Variants in RGS7BP observed in about 807,000 individuals in gnomAD.
The protein encoded by RGS7BP is regulator of G protein signaling 7-binding protein.
RGS7BP carries 9 observed loss-of-function variants against 31.3 expected under a neutral mutation model. The observed-to-expected ratio is 0.29, with a 90% CI of 0.17 to 0.50. The LOEUF (loss-of-function observed/expected upper bound fraction) is 0.50. Among genes scored for constraint, RGS7BP ranks in the 20% least tolerant of loss-of-function variants. The probability of loss-of-function intolerance (pLI) is 0.98; values close to 1 mark genes in which losing one functional copy is unlikely to be tolerated. For synonymous variants in RGS7BP, 115 were observed against 120.1 expected (o/e 0.96, Z 0.28); for missense variants, 274 against 322.0 (o/e 0.85, Z 1.14).
At chr5:64,530,356 T>C (rs67902551) in intron 2 of RGS7BP, among the ~76,000 whole-genome samples, 39,192 of 152,210 alleles carry the variant, frequency 0.26, 5,853 homozygotes, top group East Asian at 0.74. Context: ...TGAGATTATA[T>C]AGAAGAGATA....
chr5:64,550,492 C>G (rs1464806817), intron 2 of RGS7BP, among the ~76,000 whole-genome samples: 1 of 150,286 alleles, frequency 6.7e-6, no homozygotes, highest in Non-Finnish European at 1.5e-5. Context: ...ATCACATTGA[C>G]AGTTACAGCT....
At chr5:64,606,636 G>A (rs915698360) in intron 5 of RGS7BP, among the ~76,000 whole-genome samples, 1 of 151,948 alleles carries the variant, frequency 6.6e-6, no homozygotes, top group African/African-American at 2.4e-5. Context: ...TATCCAACTA[G>A]GTTAAGTACA....
At chr5:64,586,004 A>T (rs886642443) in intron 3 of RGS7BP, among the ~76,000 whole-genome samples, 1 of 151,280 alleles carries the variant, frequency 6.6e-6, no homozygotes, top group Non-Finnish European at 1.5e-5. Context: ...TTCATTTCAT[A>T]ATAAGAAATG....
Position 64,599,709 on chromosome 5 carries a change from T to C in RGS7BP, c.682+1274T>C, listed in dbSNP as rs574774295. On this transcript the variant is annotated intron_variant, in intron 5 of 5. Transcript: ENST00000334025. ...ACTGCTCTGACCACCACATGGAAGA[T>C]TGTTGCCAGAAATAAGCACAGTGTT... 2.3e-4 allele frequency among the ~76,000 whole-genome samples: 35 copies of C among 152,330 alleles called. 1 individual carries two copies. In the South Asian group the frequency reaches 7.0e-3, roughly 31 times the overall value.
intron 3 of RGS7BP, among the ~76,000 whole-genome samples, chr5:64,580,629 CAT>C (rs1224643725): frequency 5.9e-5 from 9 of 151,322 alleles, no homozygotes; most frequent in Admixed American, 2.0e-4. Context: ...TTTTATATGT[CAT>C]ATCTTAGCAA....
chr5:64,551,844 G>A (rs1272980652), intron 2 of RGS7BP, among the ~76,000 whole-genome samples: 1 of 151,834 alleles, frequency 6.6e-6, no homozygotes, highest in Non-Finnish European at 1.5e-5. Flanking sequence ...TAAATTTTAA[G>A]ATCACTTTTC....
chr5:64,593,025 T>C (rs1742962290), intron 3 of RGS7BP, among the ~76,000 whole-genome samples: 1 of 152,166 alleles, frequency 6.6e-6, no homozygotes, highest in African/African-American at 2.4e-5. Context: ...TGTGCTAAAT[T>C]ATGTGCTTAA....
rs1373322163 is a variant in RGS7BP, at chr5:64,575,816, C to T, written c.375C>T (p.Tyr125=). The T allele has an allele frequency of 1.2e-6, 2 of 1,612,460 alleles. No homozygotes were observed. Among genetic ancestry groups the T allele is most frequent in the East Asian group, 2.2e-5 (1 of 44,688 alleles). Residue 125 remains tyrosine, a synonymous_variant, in exon 3 of 6, where the codon TAC becomes TAT. Coordinates refer to ENST00000334025, the MANE Select transcript of RGS7BP (RefSeq NM_001029875.3). ...GEIHPEICRL[Y]IQLQCCLEMY... is the part of the protein sequence containing the mutation. ...TCCATCCAGAAATCTGTCGGCTTTA[C>T]ATCCAGCTGCAGTGCTGCTTAGAAA...
chr5:64,545,337 A>G (rs1330561623), intron 2 of RGS7BP, among the ~76,000 whole-genome samples: 1 of 152,112 alleles, frequency 6.6e-6, no homozygotes, highest in African/African-American at 2.4e-5. Context: ...TGGGTGCAGC[A>G]CACCAACATG....
At chr5:64,534,432 A>G (rs776743665) in intron 2 of RGS7BP, among the ~76,000 whole-genome samples, 44 of 152,238 alleles carry the variant, frequency 2.9e-4, no homozygotes, top group South Asian at 6.2e-4. Flanking sequence ...GTACAGGGCA[A>G]TAGAGGAATT....
intron 2 of RGS7BP, among the ~76,000 whole-genome samples, chr5:64,575,389 T>G (rs1464945192): frequency 6.6e-6 from 1 of 152,214 alleles, no homozygotes; most frequent in Non-Finnish European, 1.5e-5. Flanking sequence ...AACTGGTAAT[T>G]GAATTGCTCT....
intron 2 of RGS7BP, among the ~76,000 whole-genome samples, chr5:64,532,624 G>A (rs1749400860): frequency 6.6e-6 from 1 of 152,074 alleles, no homozygotes; most frequent in South Asian, 2.1e-4. Context: ...GAAAGTAAAA[G>A]CATCAGCTGC....
chr5:64,569,164 A>G (rs1371177976), intron 2 of RGS7BP, among the ~76,000 whole-genome samples: 1 of 152,196 alleles, frequency 6.6e-6, no homozygotes, highest in East Asian at 1.9e-4. Flanking sequence ...CTCATGTTCA[A>G]TGGTGAGGAA....
In RGS7BP at chr5:64,544,335, AG is replaced by A. The variant is rs377272868; in HGVS notation, c.333-31437del. Among the ~76,000 whole-genome samples the A allele has an allele frequency of 3.5e-3, 527 of 152,252 alleles. 6 individuals are homozygous for A. The highest frequency in any genetic ancestry group is 0.011 in the African/African-American group (456 of 41,544). ...TTAATGCTGGTTAGAGATTTTAGGG[AG>A]GATTTCCCAAAGAAAGTGATATAGA... On this transcript the variant is annotated intron_variant, in intron 2 of 5. Transcript: ENST00000334025.
intron 2 of RGS7BP, among the ~76,000 whole-genome samples, chr5:64,567,172 T>A (rs1367828742): frequency 6.7e-6 from 1 of 149,022 alleles, no homozygotes; most frequent in Non-Finnish European, 1.5e-5. Flanking sequence ...AACATTCTTA[T>A]TAGTATGTAG....
intron 2 of RGS7BP, among the ~76,000 whole-genome samples, chr5:64,570,999 G>A (rs544595609): frequency 1.3e-5 from 2 of 151,664 alleles, no homozygotes; most frequent in African/African-American, 2.4e-5. Flanking sequence ...TGTACCATTC[G>A]ATACATTTTG....
At chr5:64,516,093 C>T (rs1445806974) in intron 2 of RGS7BP, among the ~76,000 whole-genome samples, 1 of 152,076 alleles carries the variant, frequency 6.6e-6, no homozygotes, top group Non-Finnish European at 1.5e-5. Context: ...TGTGACTCAC[C>T]GCTCTCGACC....
chr5:64,536,263 A>G (rs1388787646), intron 2 of RGS7BP, among the ~76,000 whole-genome samples: 1 of 152,212 alleles, frequency 6.6e-6, no homozygotes, highest in Admixed American at 6.5e-5. Context: ...ACAAACTTCA[A>G]CTGGGAGCAA....
chr5:64,563,533 A>G (rs1316859044), intron 2 of RGS7BP, among the ~76,000 whole-genome samples: 3 of 152,118 alleles, frequency 2.0e-5, no homozygotes, highest in Non-Finnish European at 4.4e-5. Context: ...AGAGGTTAGG[A>G]TGATGCTTTT....
Sources: gnomAD v4.1 joint callset for allele counts (sites outside exome capture counted in the v4.1 genomes callset) on GRCh38, gnomAD v4.1.1 for gene constraint, MANE v1.5 for transcripts, NCBI Gene and HGNC (gene_info 2026-07-23, HGNC 2026-07-21) for gene names.